LDLRAD4: variants seen among roughly 807,000 people sequenced by gnomAD.
The protein encoded by LDLRAD4 is low-density lipoprotein receptor class A domain-containing protein 4.
A neutral mutation model predicts 17.0 loss-of-function variants in LDLRAD4; 5 were observed. The ratio of observed to expected loss-of-function variants is 0.29; its 90% CI spans 0.15 to 0.62. LDLRAD4 has a LOEUF of 0.62. Among genes scored for constraint, LDLRAD4 ranks in the 20% least tolerant of loss-of-function variants. The probability of loss-of-function intolerance (pLI) is 0.84; values close to 1 mark genes in which losing one functional copy is unlikely to be tolerated. For synonymous variants in LDLRAD4, 168 were observed against 171.8 expected (o/e 0.98, Z 0.17); for missense variants, 340 against 424.7 (o/e 0.80, Z 1.75).
chr18:13,638,017 C>T (rs1028229827), intron 4 of LDLRAD4, among the ~76,000 whole-genome samples: 1 of 152,104 alleles, frequency 6.6e-6, no homozygotes, highest in African/African-American at 2.4e-5. Flanking sequence ...AAGGAATTCT[C>T]ATAAATGGTA....
At chr18:13,443,313 C>T (rs1423206684) in intron 3 of LDLRAD4, among the ~76,000 whole-genome samples, 9 of 152,160 alleles carry the variant, frequency 5.9e-5, no homozygotes, top group Non-Finnish European at 1.3e-4. Flanking sequence ...TGCCCTCCTT[C>T]CCTTAAGGCA....
intron 1 of LDLRAD4, among the ~76,000 whole-genome samples, chr18:13,243,744 A>G (rs957790697): frequency 1.3e-4 from 17 of 133,472 alleles, no homozygotes; most frequent in Admixed American, 1.1e-3. Context: ...CCACCCATGC[A>G]CCCGCACATC....
chr18:13,619,698 G>A (rs980860626), intron 3 of LDLRAD4, among the ~76,000 whole-genome samples: 3 of 152,146 alleles, frequency 2.0e-5, no homozygotes, highest in Admixed American at 2.0e-4. Flanking sequence ...GGGCGGGGCC[G>A]GCAGGCCTCA....
At chr18:13,587,100 A>G (rs1434285927) in intron 3 of LDLRAD4, among the ~76,000 whole-genome samples, 1 of 152,120 alleles carries the variant, frequency 6.6e-6, no homozygotes, top group African/African-American at 2.4e-5. Flanking sequence ...CTTGGGTCAG[A>G]GGGTTCTCAA....
chr18:13,237,329 G>T lies in LDLRAD4; in HGVS notation c.-467+18341G>T, dbSNP rs555924910. On this transcript the variant is annotated intron_variant, in intron 1 of 5. Coordinates refer to the LDLRAD4 transcript ENST00000399848. The stretch of plus-strand genomic sequence containing the variant: ...TGGCAGAGTCACTGGTGTCCTGGCT[G>T]CTTCCTCCTGTGATCTGATAGGATG... 2.8e-3 allele frequency among the ~76,000 whole-genome samples: 433 copies of T among 152,348 alleles called. 1 individual carries two copies. Among genetic ancestry groups the T allele is most frequent in the African/African-American group, 0.01 (418 of 41,584 alleles).
At chr18:13,435,805 A>G (rs992516374) in intron 2 of LDLRAD4, among the ~76,000 whole-genome samples, 1 of 152,262 alleles carries the variant, frequency 6.6e-6, no homozygotes. Flanking sequence ...AGAGCCAAGC[A>G]CATTAGTAGC....
chr18:13,622,585 G>T lies in LDLRAD4; in HGVS notation c.336+1314G>T, dbSNP rs190921697. ...CCTCGAGCCTCCACAGCATCCTGGG[G>T]TCCTTTGTCTGGTGTCCACAGAGCT... On this transcript the variant is annotated intron_variant, in intron 4 of 5. Transcript: ENST00000359446. This position sits in a 1 kb window ranked among gnomAD's most constrained non-coding sequence, Gnocchi z 5.3. Among the ~76,000 whole-genome samples, 3 of 152,268 alleles carry T rather than the reference G, an allele frequency of 2.0e-5. No homozygotes were observed. Among genetic ancestry groups the T allele is most frequent in the African/African-American group, 7.2e-5 (3 of 41,554 alleles).
chr18:13,413,653 C>T (rs917581010), intron 2 of LDLRAD4, among the ~76,000 whole-genome samples: 2 of 152,226 alleles, frequency 1.3e-5, no homozygotes, highest in African/African-American at 4.8e-5. Flanking sequence ...TTCAATCATT[C>T]AGTCAACTGT....
chr18:13,233,440 C>G (rs981165812), intron 1 of LDLRAD4, among the ~76,000 whole-genome samples: 1 of 152,194 alleles, frequency 6.6e-6, no homozygotes, highest in Non-Finnish European at 1.5e-5. Flanking sequence ...AGCCGGCACC[C>G]TCTTATTGGA....
chr18:13,618,805 G>A (rs1175208604), intron 3 of LDLRAD4, among the ~76,000 whole-genome samples: 1 of 152,230 alleles, frequency 6.6e-6, no homozygotes, highest in Non-Finnish European at 1.5e-5. Context: ...CACAGGCCAT[G>A]GGAAGTATGA....
intron 4 of LDLRAD4, among the ~76,000 whole-genome samples, chr18:13,625,346 G>A (rs915334030): frequency 2.0e-5 from 3 of 152,188 alleles, no homozygotes; most frequent in African/African-American, 7.2e-5. Flanking sequence ...ATAGCTTGGG[G>A]CAATAGGATG....
chr18:13,226,180 C>CTTTTTTTTTTGTTTTTT (rs2041784788), intron 1 of LDLRAD4, among the ~76,000 whole-genome samples: 1 of 52,188 alleles, frequency 1.9e-5, no homozygotes, highest in Non-Finnish European at 3.3e-5. Context: ...CCATGCCTTG[C>CTTTTTTTTTTGTTTTTT]TTTTTTTTTT....
chr18:13,226,431 A>G (rs1347562891), intron 1 of LDLRAD4, among the ~76,000 whole-genome samples: 1 of 151,860 alleles, frequency 6.6e-6, no homozygotes, highest in Non-Finnish European at 1.5e-5. Flanking sequence ...TCAGAATGGG[A>G]GAGGCAACTT....
intron 2 of LDLRAD4, among the ~76,000 whole-genome samples, chr18:13,437,863 A>G (rs1174153318): frequency 1.3e-5 from 2 of 152,228 alleles, no homozygotes; most frequent in East Asian, 1.9e-4. Flanking sequence ...GGGCTCCCCC[A>G]TTCTCGGAAG....
At chr18:13,581,071 A>T (rs953521718) in intron 3 of LDLRAD4, among the ~76,000 whole-genome samples, 1 of 152,070 alleles carries the variant, frequency 6.6e-6, no homozygotes, top group South Asian at 2.1e-4. Flanking sequence ...TATCTCGGGG[A>T]TGGGGCCCAA....
chr18:13,579,035 A>G (rs186131314), intron 3 of LDLRAD4, among the ~76,000 whole-genome samples: 38 of 151,702 alleles, frequency 2.5e-4, no homozygotes, highest in African/African-American at 8.9e-4. Context: ...CTAAAAATAC[A>G]AAAAATTAGT....
chr18:13,396,131 T>C (rs896363397), intron 2 of LDLRAD4, among the ~76,000 whole-genome samples: 3 of 152,236 alleles, frequency 2.0e-5, no homozygotes, highest in African/African-American at 4.8e-5. Flanking sequence ...TAACCAATAA[T>C]AGTCCGTATG....
chr18:13,347,247 G>C (rs529325845), intron 1 of LDLRAD4, among the ~76,000 whole-genome samples: 48 of 152,296 alleles, frequency 3.2e-4, no homozygotes, highest in African/African-American at 1.1e-3. Context: ...TTCTTCAGGA[G>C]CTCTTGTAGG....
intron 3 of LDLRAD4, among the ~76,000 whole-genome samples, chr18:13,446,889 G>T (rs931656705): frequency 3.3e-5 from 5 of 151,844 alleles, no homozygotes; most frequent in African/African-American, 4.8e-5. Flanking sequence ...GGGAGGGGTG[G>T]GGCCTGCCTC....
Sources: allele counts gnomAD v4.1 joint callset (sites outside exome capture counted in the v4.1 genomes callset), GRCh38; gene constraint gnomAD v4.1.1; non-coding constraint Gnocchi (gnomAD v3.1); transcripts MANE v1.5; gene names NCBI Gene and HGNC (gene_info 2026-07-23, HGNC 2026-07-21).